The following EBF1 variants were observed in gnomAD, a reference collection of about 807,000 sequenced individuals.
EBF1 encodes transcription factor COE1.
Under a neutral mutation model 68.4 loss-of-function variants are expected in EBF1, and 10 were observed. The ratio of observed to expected loss-of-function variants is 0.15; its 90% CI spans 0.09 to 0.25. The LOEUF is 0.25. EBF1 is among the 10% of genes least tolerant of loss of function. The probability of loss-of-function intolerance (pLI) is 1.00; values close to 1 mark genes in which losing one functional copy is unlikely to be tolerated. For missense variants in EBF1, 509 were observed against 794.4 expected (o/e 0.64, Z 4.32); for synonymous variants, 298 against 299.8 (o/e 0.99, Z 0.06).
At chr5:158,819,282 T>C (rs1219222745) in intron 8 of EBF1, among the ~76,000 whole-genome samples, 1 of 152,230 alleles carries the variant, frequency 6.6e-6, no homozygotes, top group Non-Finnish European at 1.5e-5. Context: ...GCGCTAATGG[T>C]ACATAAAGTA....
At chr5:158,799,549 G>A (rs536915305) in intron 8 of EBF1, among the ~76,000 whole-genome samples, 1 of 152,284 alleles carries the variant, frequency 6.6e-6, no homozygotes, top group Admixed American at 6.5e-5. Context: ...AAAACCCTGT[G>A]ACCAGCAAAA....
intron 9 of EBF1, among the ~76,000 whole-genome samples, chr5:158,794,645 A>G (rs997152640): frequency 3.3e-5 from 5 of 152,314 alleles, no homozygotes; most frequent in African/African-American, 1.2e-4. Context: ...ATGACATGAA[A>G]CAAGGAGTCC....
chr5:158,915,402 A>T (rs1806936100), intron 6 of EBF1, among the ~76,000 whole-genome samples: 1 of 152,262 alleles, frequency 6.6e-6, no homozygotes, highest in East Asian at 1.9e-4. Context: ...AAATGTAAGA[A>T]GAAACAATGC....
At position 158,708,032 on chromosome 5, in the gene EBF1, G is replaced by C; in HGVS notation, c.1691C>G (p.Pro564Arg). The C allele has an allele frequency of 6.4e-7, 1 of 1,552,388 alleles. No homozygotes were observed. Among genetic ancestry groups the C allele is most frequent in the Non-Finnish European group, 8.7e-7 (1 of 1,147,922 alleles). The part of the protein sequence containing the change: ...QKSAFAPVVR[P>R]QTSPPPTCTS... ...GCAGGTGGGAGGTGGGGAGGTCTGG[G>C]GTCTGACGACTGGTGCGAAAGCACT... The change falls in exon 15 of 16, where the codon CCC becomes CGC. Residue 564 changes from proline (P) to arginine (R), a missense_variant. Physicochemically the swap from Pro to Arg is moderately radical, Grantham distance 103. Coordinates refer to ENST00000313708, the MANE Select transcript of EBF1 (RefSeq NM_024007.5).
chr5:158,795,189 C>T (rs1033978506), intron 9 of EBF1, among the ~76,000 whole-genome samples: 4 of 152,166 alleles, frequency 2.6e-5, no homozygotes, highest in Admixed American at 1.3e-4. Context: ...TGCATGGCCC[C>T]TCTAGAGAGA....
At chr5:159,088,579 T>C (rs1781113135) in intron 4 of EBF1, among the ~76,000 whole-genome samples, 1 of 152,136 alleles carries the variant, frequency 6.6e-6, no homozygotes, top group South Asian at 2.1e-4. Context: ...ATAAACAGCA[T>C]TGGCTATTTT....
intron 6 of EBF1, among the ~76,000 whole-genome samples, chr5:159,071,308 C>T (rs781307797): frequency 2.0e-5 from 3 of 152,102 alleles, no homozygotes; most frequent in Non-Finnish European, 4.4e-5. Flanking sequence ...TAAAGTACTC[C>T]TATCTGAAGA....
rs531681538 is a variant in EBF1 at position 159,016,839 on chromosome 5, GA to G, written c.554+56556del. 2.0e-5 allele frequency among the ~76,000 whole-genome samples: 3 copies of G among 152,306 alleles called. No individual in the cohort carries two copies. The South Asian group carries it at 6.2e-4, about 32-fold the overall frequency. On this transcript the variant is annotated intron_variant, in intron 6 of 15. Coordinates refer to ENST00000313708, the MANE Select transcript of EBF1 (RefSeq NM_024007.5). The stretch of plus-strand genomic sequence containing the variant: ...CTTTCTTGACCTTAGGTTGGTCTAA[GA>G]AGGAAGAAAGGACAAGTAGATAAGT...
chr5:158,837,810 G>A (rs1789172272), intron 7 of EBF1, among the ~76,000 whole-genome samples: 3 of 152,108 alleles, frequency 2.0e-5, no homozygotes, highest in African/African-American at 7.2e-5. Flanking sequence ...TGCCCTAAGA[G>A]GTACAGCAGA....
intron 6 of EBF1, among the ~76,000 whole-genome samples, chr5:158,952,077 G>A (rs1471037962): frequency 6.6e-6 from 1 of 152,204 alleles, no homozygotes; most frequent in Non-Finnish European, 1.5e-5. Flanking sequence ...CCACGGTAAT[G>A]TTCACAGAGC....
intron 6 of EBF1, among the ~76,000 whole-genome samples, chr5:158,950,494 C>T (rs187648685): frequency 1.3e-5 from 2 of 152,274 alleles, no homozygotes; most frequent in East Asian, 3.9e-4. Flanking sequence ...GTGAGAAATG[C>T]TCCGCCCAGT....
rs142545369 is a variant in EBF1, at chr5:158,708,136, G to A, written c.1587C>T (p.Ser529=). ...PSSPTMASST[S]LPSNCSSSSG... ...AGGAGCTGCTGCAGTTGGAGGGGAG[G>A]CTTGTGGAGGAGGCCATGGTGGGGC... The change falls in exon 15 of 16, where the codon AGC becomes AGT. Residue 529 remains serine (S), a synonymous_variant. Coordinates refer to ENST00000313708, the MANE Select transcript of EBF1 (RefSeq NM_024007.5). 9.1e-5 allele frequency: 144 copies of A among 1,589,024 alleles called. No individual in the cohort carries two copies. Among genetic ancestry groups the A allele is most frequent in the Middle Eastern group, 1.7e-4 (1 of 5,902 alleles).
At chr5:159,086,789 C>T (rs139383363) in intron 4 of EBF1, among the ~76,000 whole-genome samples, 71 of 152,188 alleles carry the variant, frequency 4.7e-4, no homozygotes, top group African/African-American at 1.7e-3. Flanking sequence ...CTTCTGTAGA[C>T]GTAATCCAGA....
intron 6 of EBF1, among the ~76,000 whole-genome samples, chr5:158,935,491 G>T (rs953146053): frequency 2.0e-5 from 3 of 152,148 alleles, no homozygotes; most frequent in Admixed American, 6.5e-5. Context: ...TATATCCACT[G>T]CTGCAGACTC....
intron 11 of EBF1, among the ~76,000 whole-genome samples, chr5:158,722,063 TA>T (rs1194888168): frequency 1.3e-5 from 2 of 152,166 alleles, no homozygotes; most frequent in Admixed American, 1.3e-4. Context: ...CTGAACTTGG[TA>T]ACCTCTGGCG....
intron 6 of EBF1, among the ~76,000 whole-genome samples, chr5:159,012,870 A>T (rs1583931757): frequency 6.6e-6 from 1 of 152,144 alleles, no homozygotes; most frequent in Non-Finnish European, 1.5e-5. Flanking sequence ...ATCCAATATG[A>T]CTGGTGTCCT....
intron 6 of EBF1, among the ~76,000 whole-genome samples, chr5:159,047,732 C>T (rs913303125): frequency 3.9e-5 from 6 of 152,184 alleles, no homozygotes; most frequent in Admixed American, 3.3e-4. Context: ...CACACATCAG[C>T]CCCAACCCTT....
intron 10 of EBF1, among the ~76,000 whole-genome samples, 184 bp from the exon 11 acceptor site, chr5:158,731,341 G>A (rs922103670): frequency 5.3e-5 from 8 of 152,288 alleles, no homozygotes; most frequent in Middle Eastern, 3.4e-3. Context: ...TTTATACCAC[G>A]GTGGGGAGTG....
intron 15 of EBF1, among the ~76,000 whole-genome samples, chr5:158,704,327 A>AT (rs1757399819): frequency 6.6e-6 from 1 of 152,190 alleles, no homozygotes; most frequent in Non-Finnish European, 1.5e-5. Flanking sequence ...GCTGGGGAAG[A>AT]GGTCTTTTAG....
Sources: gnomAD v4.1 joint callset for allele counts (sites outside exome capture counted in the v4.1 genomes callset) on GRCh38, gnomAD v4.1.1 for gene constraint, MANE v1.5 for transcripts, NCBI Gene and HGNC (gene_info 2026-07-23, HGNC 2026-07-21) for gene names.